The following BLVRB variants were observed in gnomAD, a reference collection of about 807,000 sequenced individuals.
The protein encoded by BLVRB is flavin reductase (NADPH).
BLVRB carries 25 observed loss-of-function variants against 21.1 expected under a neutral mutation model. The observed-to-expected ratio is 1.19, with a 90% confidence interval of 0.86 to 1.66. The LOEUF (loss-of-function observed/expected upper bound fraction) is 1.66. Ranked by LOEUF, BLVRB falls within the 40% of genes most tolerant of loss-of-function variation. The pLI, the probability that BLVRB is intolerant of heterozygous loss-of-function variation, is 0.00. For missense variants in BLVRB, 274 were observed against 282.7 expected, an observed-to-expected ratio of 0.97 and a Z score of 0.22; for synonymous variants, 128 against 122.2, an observed-to-expected ratio of 1.05 and a Z score of -0.31.
chr19:40,458,498 C>A lies in BLVRB; in HGVS notation c.127G>T (p.Glu43Ter). 6.2e-7 allele frequency: 1 copy of A among 1,611,614 alleles called. No homozygotes were observed. ...ACCACGTGGGCCGGCCGGGGCCCCT[C>A]TGATGGCAGCCTGGAGGAGTCCCGC... ...LVRDSSRLPS[E>*]GPRPAHVVVG... The change falls in exon 2 of 5, where the codon GAG becomes TAG. Residue 43 changes from glutamate to a stop codon, truncating the protein, a stop_gained. Coordinates refer to ENST00000263368, the MANE Select transcript of BLVRB (RefSeq NM_000713.3). LOFTEE classifies it high-confidence loss of function.
At chr19:40,454,366 C>T (rs1172437709) in intron 3 of BLVRB, among the ~76,000 whole-genome samples, 3 of 151,886 alleles carry the variant, frequency 2.0e-5, no homozygotes, top group African/African-American at 4.8e-5. Flanking sequence ...TGACCTCAAG[C>T]GATCCACCTG....
intron 3 of BLVRB, among the ~76,000 whole-genome samples, chr19:40,454,457 T>C (rs1326279997): frequency 6.6e-6 from 1 of 151,954 alleles, no homozygotes; most frequent in Admixed American, 6.6e-5. Flanking sequence ...ATGAGAAAAC[T>C]GCGGTGCAGA....
intron 1 of BLVRB, among the ~76,000 whole-genome samples, 186 bp downstream of exon 1, chr19:40,465,424 C>T (rs1316015318): frequency 1.3e-5 from 2 of 152,244 alleles, no homozygotes; most frequent in Non-Finnish European, 2.9e-5. Flanking sequence ...CTTGGACTCA[C>T]ATAAACTTGG....
chr19:40,465,547 G>A, intron 1 of BLVRB, 63 bp downstream of exon 1: 1 of 1,550,296 alleles, frequency 6.5e-7, no homozygotes, highest in Admixed American at 1.9e-5. Flanking sequence ...CGACCCCATG[G>A]TGCCCCTTCC....
chr19:40,454,950 TCCTA>T (rs907664064), intron 3 of BLVRB, among the ~76,000 whole-genome samples: 5 of 152,170 alleles, frequency 3.3e-5, no homozygotes, highest in Non-Finnish European at 4.4e-5. Flanking sequence ...CAAAGGATCC[TCCTA>T]CCTAAGCTTC....
In BLVRB at chr19:40,465,690, G is replaced by C. The variant is rs757761695; in HGVS notation, c.-2C>G. On this transcript the variant is annotated 5_prime_UTR_variant, in exon 1 of 5. Coordinates refer to ENST00000263368, the MANE Select transcript of BLVRB (RefSeq NM_000713.3). ...GATCGCGATCTTCTTGACGGCCATC[G>C]TACGGGATCGTGGGGGTGCAAGGCC... is the stretch of plus-strand genomic sequence containing the variant. The C allele has an allele frequency of 6.2e-6, 10 of 1,612,482 alleles. No homozygotes were observed. The African/African-American group carries it at 1.2e-4, about 19-fold the overall frequency.
intron 3 of BLVRB, among the ~76,000 whole-genome samples, chr19:40,451,802 G>T (rs2079741421): frequency 6.6e-6 from 1 of 152,120 alleles, no homozygotes; most frequent in Admixed American, 6.6e-5. Flanking sequence ...CAAAGTGCTG[G>T]AATTACAGGC....
chr19:40,451,724 G>T (rs925395352), intron 3 of BLVRB, among the ~76,000 whole-genome samples: 1 of 152,058 alleles, frequency 6.6e-6, no homozygotes, highest in African/African-American at 2.4e-5. Context: ...GTACAGACAG[G>T]GTTTTGCCAT....
intron 1 of BLVRB, among the ~76,000 whole-genome samples, chr19:40,464,387 C>T (rs754018801): frequency 2.7e-5 from 4 of 148,622 alleles, no homozygotes; most frequent in Non-Finnish European, 6.0e-5. Flanking sequence ...ATCCACCGTG[C>T]CTGGCCAGCC....
At chr19:40,453,456 A>G (rs1487894223) in intron 3 of BLVRB, among the ~76,000 whole-genome samples, 1 of 152,204 alleles carries the variant, frequency 6.6e-6, no homozygotes. Context: ...CCTTAGAAGC[A>G]TCTGGAACAT....
At chr19:40,463,677 C>G (rs1250954515) in intron 1 of BLVRB, among the ~76,000 whole-genome samples, 1 of 149,072 alleles carries the variant, frequency 6.7e-6, no homozygotes, top group African/African-American at 2.5e-5. Context: ...GTGATGCAAT[C>G]TTAGCTCACT....
intron 1 of BLVRB, among the ~76,000 whole-genome samples, chr19:40,461,863 C>T (rs1035875278): frequency 2.0e-5 from 3 of 152,166 alleles, no homozygotes; most frequent in Non-Finnish European, 2.9e-5. Context: ...GGACTTTGCA[C>T]GTGCTGTGCC....
At chr19:40,463,124 G>T (rs963005827) in intron 1 of BLVRB, among the ~76,000 whole-genome samples, 2 of 152,114 alleles carry the variant, frequency 1.3e-5, no homozygotes, top group African/African-American at 4.8e-5. Context: ...GAAGCATCAG[G>T]TTGCAACAAC....
chr19:40,451,532 GTC>G, intron 3 of BLVRB, 40 bp from the exon 4 acceptor site: 8 of 1,405,824 alleles, frequency 5.7e-6, no homozygotes, highest in Admixed American at 3.0e-5. Flanking sequence ...GGGCTCTCTT[GTC>G]TTTTTTTTTT....
At chr19:40,461,148 G>A (rs1440426835) in intron 1 of BLVRB, among the ~76,000 whole-genome samples, 1 of 152,038 alleles carries the variant, frequency 6.6e-6, no homozygotes, top group Non-Finnish European at 1.5e-5. Flanking sequence ...CTCCCAAAGT[G>A]CTGGGATTAC....
At chr19:40,454,872 T>C (rs1041946999) in intron 3 of BLVRB, among the ~76,000 whole-genome samples, 1 of 149,288 alleles carries the variant, frequency 6.7e-6, no homozygotes, top group Non-Finnish European at 1.5e-5. Flanking sequence ...GACAGGGTCT[T>C]GCTCTGCAGC....
At chr19:40,450,842 G>GTATCTATCTATC (rs200198444) in intron 4 of BLVRB, among the ~76,000 whole-genome samples, 249 of 144,734 alleles carry the variant, frequency 1.7e-3, no homozygotes, top group Admixed American at 2.2e-3. Flanking sequence ...CCTGGCCTAT[G>GTATCTATCTATC]TATCTATCTA....
intron 3 of BLVRB, among the ~76,000 whole-genome samples, chr19:40,452,203 C>T (rs777143672): frequency 3.3e-5 from 5 of 152,212 alleles, no homozygotes; most frequent in Admixed American, 6.5e-5. Context: ...AGCCCTCTGA[C>T]GTCCTTGCCT....
chr19:40,461,223 C>T (rs1035790859), intron 1 of BLVRB, among the ~76,000 whole-genome samples: 24 of 152,182 alleles, frequency 1.6e-4, no homozygotes, highest in African/African-American at 5.1e-4. Flanking sequence ...ATCTCCTGGC[C>T]TGATCCAGGC....
Sources: allele counts gnomAD v4.1 joint callset (sites outside exome capture counted in the v4.1 genomes callset), GRCh38; gene constraint gnomAD v4.1.1; transcripts MANE v1.5; gene names NCBI Gene and HGNC (gene_info 2026-07-23, HGNC 2026-07-21).